Variants in UPK1B observed in about 807,000 individuals in gnomAD.
The protein encoded by UPK1B is uroplakin-1b.
Under a neutral mutation model 34.2 loss-of-function variants are expected in UPK1B, and 28 were observed. The ratio of observed to expected loss-of-function variants is 0.82; its 90% confidence interval spans 0.61 to 1.12. The LOEUF (loss-of-function observed/expected upper bound fraction) is 1.12. Among genes scored for constraint, UPK1B ranks in the 50% most tolerant of loss-of-function variants. The pLI is 0.00. For missense variants in UPK1B, 325 were observed against 320.9 expected (o/e 1.01, Z -0.10); for synonymous variants, 81 against 110.4 (o/e 0.73, Z 1.67).
chr3:119,178,207 C>T (rs2077966689), intron 1 of UPK1B, among the ~76,000 whole-genome samples: 1 of 152,172 alleles, frequency 6.6e-6, no homozygotes, highest in African/African-American at 2.4e-5. Context: ...AACCACTCCT[C>T]CACTGGCTGA....
intron 1 of UPK1B, 142 bp from the exon 2 acceptor site, chr3:119,186,572 G>A (rs2107430317): frequency 1.6e-6 from 1 of 621,286 alleles, no homozygotes; most frequent in Non-Finnish European, 2.8e-6. Context: ...TGATTACCAA[G>A]CTCAATAATC....
intron 1 of UPK1B, among the ~76,000 whole-genome samples, chr3:119,177,960 A>T (rs1398265376): frequency 2.0e-5 from 3 of 152,084 alleles, no homozygotes; most frequent in Non-Finnish European, 4.4e-5. Context: ...AGTTGAGGAG[A>T]GAAGAGGTTT....
intron 1 of UPK1B, among the ~76,000 whole-genome samples, chr3:119,174,973 A>G (rs1014150784): frequency 1.3e-4 from 19 of 147,762 alleles, no homozygotes; most frequent in African/African-American, 4.2e-4. Flanking sequence ...AATCAAGGGG[A>G]AAAAAAAGAA....
Position 119,199,070 on chromosome 3 carries a change from T to C in UPK1B, c.662T>C (p.Leu221Pro), listed in dbSNP as rs2078079308. 1 of 1,614,168 alleles carries C rather than the reference T, an allele frequency of 6.2e-7. No individual in the cohort carries two copies. Among genetic ancestry groups the C allele is most frequent in the South Asian group, 1.1e-5 (1 of 91,084 alleles). Reference sequence around the variant, plus strand: ...CCACTCCTTCAGGGCTGCTATGAACTGATCTCTGGTCCAATGAACCGACAC... The same window carrying C: ...CCACTCCTTCAGGGCTGCTATGAACCGATCTCTGGTCCAATGAACCGACAC... ...GFYHNQGCYE[L>P]ISGPMNRHAW... Residue 221 changes from leucine (L) to proline (P), a missense_variant, in exon 7 of 8, where the codon CTG (leucine) becomes CCG (proline). Transcript: ENST00000264234.
At chr3:119,181,677 C>A (rs544470658) in intron 1 of UPK1B, among the ~76,000 whole-genome samples, 5 of 152,318 alleles carry the variant, frequency 3.3e-5, no homozygotes, top group African/African-American at 1.2e-4. Flanking sequence ...TCTGCACACT[C>A]ATTTATTCAA....
At position 119,199,042 on chromosome 3, in the gene UPK1B, T is replaced by C; in HGVS notation, c.649-15T>C. The C allele has an allele frequency of 6.2e-7, 1 of 1,614,002 alleles. No homozygotes were observed. The highest frequency in any genetic ancestry group is 8.5e-7 in the Non-Finnish European group (1 of 1,179,920). ...GGTTCTTCTCACACTAATGTGGAAT[T>C]GCCCACTCCTTCAGGGCTGCTATGA... On this transcript the variant is annotated splice_polypyrimidine_tract_variant and intron_variant, in intron 6 of 7. Transcript: ENST00000264234.
intron 1 of UPK1B, among the ~76,000 whole-genome samples, chr3:119,176,656 C>T (rs1224036698): frequency 1.3e-5 from 2 of 152,160 alleles, no homozygotes; most frequent in African/African-American, 4.8e-5. Context: ...CAGTCTGGGG[C>T]GTTCCATCTC....
intron 6 of UPK1B, among the ~76,000 whole-genome samples, chr3:119,195,343 C>T (rs1344302062): frequency 6.6e-6 from 1 of 152,168 alleles, no homozygotes; most frequent in African/African-American, 2.4e-5. Flanking sequence ...AGTTGTGTAC[C>T]AGCTCATTAA....
chr3:119,179,527 T>TTTTTTTTTTTTGG, intron 1 of UPK1B, among the ~76,000 whole-genome samples: 1 of 131,568 alleles, frequency 7.6e-6, no homozygotes, highest in African/African-American at 2.8e-5. Flanking sequence ...TTTTTTTTTT[T>TTTTTTTTTTTTGG]GAGACGGAGT....
chr3:119,188,123 A>G, intron 3 of UPK1B, 148 bp downstream of exon 3: 1 of 848,516 alleles, frequency 1.2e-6, no homozygotes, highest in East Asian at 2.6e-5. Flanking sequence ...CTGCAGTGAA[A>G]TGGTCCACAT....
intron 1 of UPK1B, among the ~76,000 whole-genome samples, chr3:119,184,469 C>T (rs60900492): frequency 0.011 from 1,702 of 151,628 alleles, 28 homozygotes; most frequent in African/African-American, 0.039. Flanking sequence ...CCTGTAATCC[C>T]AGCACTTTAG....
intron 1 of UPK1B, among the ~76,000 whole-genome samples, chr3:119,184,615 A>G (rs13077863): frequency 0.13 from 19,006 of 151,340 alleles, 1,527 homozygotes; most frequent in East Asian, 0.23. Flanking sequence ...AGTCCCAGCT[A>G]CTAGGGAGGC....
chr3:119,199,280 C>T, intron 7 of UPK1B, 140 bp downstream of exon 7: 1 of 927,308 alleles, frequency 1.1e-6, no homozygotes. Context: ...AAACTTCTGG[C>T]ACCGGAAGAA....
intron 1 of UPK1B, among the ~76,000 whole-genome samples, chr3:119,179,581 C>T (rs1466327186): frequency 7.8e-6 from 1 of 127,586 alleles, no homozygotes; most frequent in Non-Finnish European, 1.6e-5. Context: ...CTGATCTTGG[C>T]TCACTGCAAG....
At chr3:119,190,922 T>C in intron 4 of UPK1B, 60 bp from the exon 5 acceptor site, 1 of 1,599,872 alleles carries the variant, frequency 6.3e-7, no homozygotes, top group Non-Finnish European at 8.5e-7. Flanking sequence ...AAAAATATTT[T>C]CCTCTCCTTG....
chr3:119,185,762 C>G (rs2078015100), intron 1 of UPK1B, among the ~76,000 whole-genome samples: 1 of 152,148 alleles, frequency 6.6e-6, no homozygotes, highest in South Asian at 2.1e-4. Flanking sequence ...ATGTTGAGAG[C>G]TGTAGATGGC....
intron 6 of UPK1B, among the ~76,000 whole-genome samples, chr3:119,195,192 C>T (rs1044594514): frequency 1.3e-5 from 2 of 151,880 alleles, no homozygotes; most frequent in African/African-American, 4.8e-5. Context: ...CCTTCAAGCA[C>T]AGACTCTAAG....
chr3:119,180,152 A>C (rs1470382170), intron 1 of UPK1B, among the ~76,000 whole-genome samples: 1 of 152,148 alleles, frequency 6.6e-6, no homozygotes, highest in Admixed American at 6.5e-5. Context: ...CTGCATACTG[A>C]AAACTTAAGA....
intron 1 of UPK1B, among the ~76,000 whole-genome samples, chr3:119,178,679 G>A (rs2077970901): frequency 6.6e-6 from 1 of 152,198 alleles, no homozygotes; most frequent in Admixed American, 6.5e-5. Context: ...AAATGTGTAA[G>A]AGGAAAATGT....
Sources: allele counts gnomAD v4.1 joint callset (sites outside exome capture counted in the v4.1 genomes callset), GRCh38; gene constraint gnomAD v4.1.1; transcripts MANE v1.5; gene names NCBI Gene and HGNC (gene_info 2026-07-23, HGNC 2026-07-21).